RBMS2: variants seen among roughly 807,000 people sequenced by gnomAD.
The protein encoded by RBMS2 is RNA-binding motif, single-stranded-interacting protein 2.
In RBMS2, 38 loss-of-function variants were observed where a neutral mutation model predicts 58.4. The ratio of observed to expected loss-of-function variants is 0.65; its 90% confidence interval spans 0.50 to 0.85. RBMS2 has a LOEUF of 0.85. Ranked by LOEUF, RBMS2 falls within the 40% of genes least tolerant of loss-of-function variation. The pLI is 0.00. For missense variants in RBMS2, 367 were observed against 503.7 expected (o/e 0.73, Z 2.60); for synonymous variants, 151 against 180.7 (o/e 0.84, Z 1.32).
chr12:56,544,169 A>G (rs561842559), intron 1 of RBMS2, among the ~76,000 whole-genome samples: 32 of 152,042 alleles, frequency 2.1e-4, no homozygotes, highest in Admixed American at 7.2e-4. Flanking sequence ...CCAGCTACTC[A>G]GGAGGCTGAG....
intron 1 of RBMS2, among the ~76,000 whole-genome samples, chr12:56,544,160 C>T (rs540004740): frequency 3.9e-4 from 60 of 152,102 alleles, no homozygotes; most frequent in African/African-American, 1.2e-3. Flanking sequence ...CCTGTAATCC[C>T]AGCTACTCAG....
chr12:56,584,450 T>C (rs1592505980), intron 9 of RBMS2, among the ~76,000 whole-genome samples: 1 of 149,922 alleles, frequency 6.7e-6, no homozygotes, highest in African/African-American at 2.5e-5. Flanking sequence ...AAAAAAAAAG[T>C]TTAAAATTTC....
At chr12:56,530,744 A>C (rs1873588431) in intron 1 of RBMS2, among the ~76,000 whole-genome samples, 1 of 152,160 alleles carries the variant, frequency 6.6e-6, no homozygotes, top group African/African-American at 2.4e-5. Flanking sequence ...TTCTCAAAAT[A>C]TGCATATTCA....
chr12:56,588,792 G>A (rs1592520748), intron 12 of RBMS2, 140 bp from the exon 13 acceptor site: 1 of 761,554 alleles, frequency 1.3e-6, no homozygotes, highest in South Asian at 1.6e-5. Flanking sequence ...GGTGGTGTGG[G>A]TGGAAACACT....
intron 7 of RBMS2, 56 bp from the exon 8 acceptor site, chr12:56,581,777 A>G: frequency 6.3e-7 from 1 of 1,587,466 alleles, no homozygotes; most frequent in Non-Finnish European, 8.6e-7. Context: ...ATTCTGGGCC[A>G]GCTCCTATTC....
intron 9 of RBMS2, 35 bp from the exon 10 acceptor site, chr12:56,586,814 C>T: frequency 6.5e-7 from 1 of 1,550,342 alleles, no homozygotes; most frequent in Non-Finnish European, 8.9e-7. Flanking sequence ...TAATAGTTTC[C>T]AGGCAATTAA....
intron 1 of RBMS2, among the ~76,000 whole-genome samples, chr12:56,530,364 T>C (rs1873497872): frequency 7.1e-6 from 1 of 141,674 alleles, no homozygotes; most frequent in African/African-American, 2.6e-5. Context: ...TTTTTTTTTT[T>C]TTTTTTTTTT....
chr12:56,522,183 G>C, intron 1 of RBMS2, 94 bp downstream of exon 1: 6 of 1,006,238 alleles, frequency 6.0e-6, no homozygotes, highest in South Asian at 1.5e-5. Flanking sequence ...AGAGGGGAAG[G>C]GGCTTCCTCT....
At chr12:56,586,745 G>T in intron 9 of RBMS2, 104 bp from the exon 10 acceptor site, 2 of 861,514 alleles carry the variant, frequency 2.3e-6, no homozygotes, top group Non-Finnish European at 1.9e-6. Flanking sequence ...TTTCTATTTT[G>T]AGTGGGGCAT....
chr12:56,581,415 G>C lies in RBMS2; in HGVS notation c.639G>C (p.Leu213Phe), dbSNP rs1015725989. Residue 213 changes from leucine (L) to phenylalanine (F), a missense_variant, in exon 7 of 14, where the codon TTG (leucine) becomes TTC (phenylalanine). Physicochemically the swap from Leu to Phe is conservative, Grantham distance 22. This residue lies in a region of RBMS2 where 220 missense variants were observed against 261.1 expected (regional missense o/e 0.84). Coordinates refer to ENST00000262031, the MANE Select transcript of RBMS2 (RefSeq NM_002898.4). Reference protein sequence around the residue: ...PPGVPAPSDPLLCKFADGGPK... With the variant: ...PPGVPAPSDPFLCKFADGGPK... ...TCTCGGCAGCCCCATCCGATCCCTT[G>C]CTTTGCAAATTTGCTGATGGCGGGC... The C allele has an allele frequency of 6.2e-7, 1 of 1,614,206 alleles. No homozygotes were observed. The highest frequency in any genetic ancestry group is 8.5e-7 in the Non-Finnish European group (1 of 1,180,046).
At chr12:56,580,206 C>T (rs1050180614) in intron 5 of RBMS2, 8 of 387,326 alleles carry the variant, frequency 2.1e-5, no homozygotes, top group African/African-American at 4.4e-5. Context: ...GCTGGGATTA[C>T]AGGCGTGAAC....
At chr12:56,560,506 G>A (rs1363281981) in intron 1 of RBMS2, among the ~76,000 whole-genome samples, 2 of 151,734 alleles carry the variant, frequency 1.3e-5, no homozygotes, top group African/African-American at 4.8e-5. Context: ...CACCCACCTC[G>A]ACCTCCCAAA....
At chr12:56,558,038 CTTTTTTTTTTT>C (rs34784910) in intron 1 of RBMS2, among the ~76,000 whole-genome samples, 1 of 28,518 alleles carries the variant, frequency 3.5e-5, no homozygotes, top group Non-Finnish European at 6.2e-5. Flanking sequence ...CTCGCCCGGG[CTTTTTTTTTTT>C]TTTTTTTTTT....
chr12:56,536,868 AT>A (rs912410567), intron 1 of RBMS2, among the ~76,000 whole-genome samples: 3 of 149,134 alleles, frequency 2.0e-5, no homozygotes, highest in Non-Finnish European at 4.4e-5. Flanking sequence ...CACCTGGCCT[AT>A]TTTTATTTTT....
chr12:56,573,247 C>T (rs966053551), intron 5 of RBMS2: 38 of 900,626 alleles, frequency 4.2e-5, no homozygotes, highest in Admixed American at 1.2e-4. Flanking sequence ...GAGGCTGAGG[C>T]GGGTGGATCA....
At chr12:56,548,546 G>A (rs975001177) in intron 1 of RBMS2, among the ~76,000 whole-genome samples, 1 of 152,108 alleles carries the variant, frequency 6.6e-6, no homozygotes, top group Non-Finnish European at 1.5e-5. Context: ...CAGAGAAAGT[G>A]GACTTTCTCT....
In RBMS2 at chr12:56,590,567, A is replaced by G. The variant is rs1885233648; in HGVS notation, c.*1434A>G. ...CAGTGTTGTCCCTGCCTCCTGGGTT[A>G]GGGTAAATTTTCACCCCAACCCTGG... On this transcript the variant is annotated 3_prime_UTR_variant, in exon 14 of 14. Coordinates refer to ENST00000262031, the MANE Select transcript of RBMS2 (RefSeq NM_002898.4). The G allele has an allele frequency of 6.6e-6, 1 of 152,182 alleles. No homozygotes were observed. The highest frequency in any genetic ancestry group is 2.1e-4 in the South Asian group (1 of 4,822). 9.4% of individuals were successfully genotyped at this position (152,182 alleles called of 1,614,324 possible).
At chr12:56,525,013 C>A (rs535880772) in intron 1 of RBMS2, among the ~76,000 whole-genome samples, 2 of 150,588 alleles carry the variant, frequency 1.3e-5, no homozygotes, top group East Asian at 2.0e-4. Flanking sequence ...TGAGCCACTG[C>A]GCCTGGCCCC....
intron 1 of RBMS2, among the ~76,000 whole-genome samples, chr12:56,558,504 A>G (rs1879722157): frequency 6.7e-6 from 1 of 149,968 alleles, no homozygotes; most frequent in African/African-American, 2.4e-5. Context: ...TGCTTGGCAC[A>G]TAGTATGGTG....
Sources: gnomAD v4.1 joint callset for allele counts (sites outside exome capture counted in the v4.1 genomes callset) on GRCh38, gnomAD v4.1.1 for gene constraint, gnomAD v4.1.1 regional missense constraint, MANE v1.5 for transcripts, NCBI Gene and HGNC (gene_info 2026-07-23, HGNC 2026-07-21) for gene names.